The following MAPK10 variants were observed in gnomAD, a reference collection of about 807,000 sequenced individuals.
The protein encoded by MAPK10 is JNK3 alpha protein kinase.
A neutral mutation model predicts 59.3 loss-of-function variants in MAPK10; 25 were observed. That is an observed-to-expected ratio of 0.42 (90% CI 0.31 to 0.59). The LOEUF is 0.59. MAPK10 is among the 20% of genes least tolerant of loss of function. The pLI, the probability that MAPK10 is intolerant of heterozygous loss-of-function variation, is 0.15. For synonymous variants in MAPK10, 190 were observed against 200.5 expected (o/e 0.95, Z 0.44); for missense variants, 351 against 568.9 (o/e 0.62, Z 3.90).
chr4:86,377,861 A>C (rs1281197414), intron 1 of MAPK10, among the ~76,000 whole-genome samples: 1 of 152,154 alleles, frequency 6.6e-6, no homozygotes, highest in Non-Finnish European at 1.5e-5. Flanking sequence ...AGCATCCAGC[A>C]CAAGAGAAAG....
chr4:86,138,923 C>T (rs1245813492), intron 4 of MAPK10, among the ~76,000 whole-genome samples: 2 of 151,022 alleles, frequency 1.3e-5, no homozygotes, highest in Admixed American at 6.6e-5. Flanking sequence ...GAGTGAACTC[C>T]CATTCACAAT....
At chr4:86,541,010 A>C (rs1354764702) in intron 1 of MAPK10, among the ~76,000 whole-genome samples, 2 of 152,166 alleles carry the variant, frequency 1.3e-5, no homozygotes, top group African/African-American at 4.8e-5. Context: ...CAGAATGCCC[A>C]CTGATAACGC....
Position 86,238,273 on chromosome 4 carries a change from G to T in MAPK10, c.-6-43866C>A, listed in dbSNP as rs2092436738. ...GCCTTGTAGTATAGTTTGAAATCAG[G>T]TAGCGTGATGACTCCAGCCTTGTTC... On this transcript the variant is annotated intron_variant, in intron 2 of 13. Transcript: ENST00000641462. Among the ~76,000 whole-genome samples, 5 of 152,270 alleles carry T rather than the reference G, an allele frequency of 3.3e-5. No homozygotes were observed. The South Asian group carries it at 1.0e-3, about 32-fold the overall frequency.
At chr4:86,409,708 T>C (rs1192645072) in intron 1 of MAPK10, among the ~76,000 whole-genome samples, 2 of 152,226 alleles carry the variant, frequency 1.3e-5, no homozygotes, top group Non-Finnish European at 2.9e-5. Flanking sequence ...TGTTTGCCTA[T>C]TATTGGTGTA....
chr4:86,428,075 G>T (rs1043827471), intron 1 of MAPK10, among the ~76,000 whole-genome samples: 1 of 151,954 alleles, frequency 6.6e-6, no homozygotes, highest in African/African-American at 2.4e-5. Flanking sequence ...TGACTTTATG[G>T]GCAGAAAAAG....
intron 1 of MAPK10, among the ~76,000 whole-genome samples, chr4:86,370,055 C>G (rs181349249): frequency 2.0e-5 from 3 of 152,182 alleles, no homozygotes; most frequent in Admixed American, 2.0e-4. Context: ...GTAACCCACA[C>G]TTAGATTAAA....
chr4:86,274,266 A>C (rs997029452), intron 2 of MAPK10, among the ~76,000 whole-genome samples: 2 of 152,000 alleles, frequency 1.3e-5, no homozygotes, highest in African/African-American at 4.8e-5. Flanking sequence ...CATTATTCTA[A>C]AGTATTTCAG....
chr4:86,476,565 C>T (rs1016400981), intron 1 of MAPK10, among the ~76,000 whole-genome samples: 1 of 152,148 alleles, frequency 6.6e-6, no homozygotes, highest in Non-Finnish European at 1.5e-5. Flanking sequence ...GGTCAGAAGG[C>T]CGTCTTATTC....
chr4:86,119,013 A>G (rs2058754762), intron 4 of MAPK10, among the ~76,000 whole-genome samples: 1 of 152,082 alleles, frequency 6.6e-6, no homozygotes, highest in South Asian at 2.1e-4. Context: ...ATCTCCTCAG[A>G]GAGGCTTTTT....
intron 1 of MAPK10, among the ~76,000 whole-genome samples, chr4:86,384,579 G>C (rs1303380917): frequency 6.6e-6 from 1 of 152,190 alleles, no homozygotes; most frequent in Non-Finnish European, 1.5e-5. Flanking sequence ...GGTGGAAACA[G>C]TGGAGGCAAG....
chr4:86,035,624 A>G (rs2040134520), intron 11 of MAPK10, among the ~76,000 whole-genome samples: 1 of 152,152 alleles, frequency 6.6e-6, no homozygotes, highest in African/African-American at 2.4e-5. Flanking sequence ...GGAATAATTA[A>G]TAAATGTTAA....
At chr4:86,576,647 G>C (rs940119179) in intron 1 of MAPK10, among the ~76,000 whole-genome samples, 1 of 152,028 alleles carries the variant, frequency 6.6e-6, no homozygotes, top group Admixed American at 6.6e-5. Context: ...GGTGGCGGGT[G>C]CCTGTAGTCC....
At chr4:86,157,166 G>T (rs2068051075) in intron 4 of MAPK10, among the ~76,000 whole-genome samples, 1 of 151,852 alleles carries the variant, frequency 6.6e-6, no homozygotes, top group South Asian at 2.1e-4. Context: ...GTCCAAAGTG[G>T]GGGAAAAGAT....
At chr4:86,019,203 G>C (rs1207077176) in intron 13 of MAPK10, among the ~76,000 whole-genome samples, 1 of 151,994 alleles carries the variant, frequency 6.6e-6, no homozygotes, top group African/African-American at 2.4e-5. Flanking sequence ...ATTTCTTCCC[G>C]GTCATTCTTT....
chr4:86,398,171 T>C (rs767618130), intron 1 of MAPK10, among the ~76,000 whole-genome samples: 19 of 151,794 alleles, frequency 1.3e-4, no homozygotes, highest in Non-Finnish European at 2.8e-4. Context: ...AAAATTTAAT[T>C]TTGGGTAAAA....
chr4:86,547,472 C>T (rs7661844), intron 1 of MAPK10, among the ~76,000 whole-genome samples: 64,413 of 152,140 alleles, frequency 0.42, 15,787 homozygotes, highest in South Asian at 0.7. Flanking sequence ...AATTTCTCGC[C>T]GGGCCTTAGT....
At chr4:86,519,091 G>A (rs1395532048) in intron 1 of MAPK10, among the ~76,000 whole-genome samples, 1 of 152,146 alleles carries the variant, frequency 6.6e-6, no homozygotes, top group African/African-American at 2.4e-5. Context: ...ATATTCTGCA[G>A]CTGTTGGGTA....
At chr4:86,548,603 G>C (rs778194778) in intron 1 of MAPK10, among the ~76,000 whole-genome samples, 1 of 152,104 alleles carries the variant, frequency 6.6e-6, no homozygotes, top group African/African-American at 2.4e-5. Flanking sequence ...GTTCCCCTTT[G>C]CCTTCCACCA....
intron 1 of MAPK10, among the ~76,000 whole-genome samples, chr4:86,448,712 A>T (rs1290831868): frequency 2.0e-5 from 3 of 152,218 alleles, no homozygotes; most frequent in African/African-American, 7.2e-5. Context: ...GACCAAGGGC[A>T]GAGCAGGGAG....
Sources: allele counts gnomAD v4.1 joint callset (sites outside exome capture counted in the v4.1 genomes callset), GRCh38; gene constraint gnomAD v4.1.1; transcripts MANE v1.5; gene names NCBI Gene and HGNC (gene_info 2026-07-23, HGNC 2026-07-21).